The following KCNQ1 variants were observed in gnomAD, a reference collection of about 807,000 sequenced individuals.
KCNQ1 encodes potassium voltage-gated channel subfamily KQT member 1.
Under a neutral mutation model 72.4 loss-of-function variants are expected in KCNQ1, and 49 were observed. The observed-to-expected ratio is 0.68, with a 90% CI of 0.54 to 0.86. KCNQ1 has a LOEUF of 0.86. Among genes scored for constraint, KCNQ1 ranks in the 40% least tolerant of loss-of-function variants. The probability of loss-of-function intolerance (pLI) is 0.00; values close to 1 mark genes in which losing one functional copy is unlikely to be tolerated. For missense variants in KCNQ1, 790 were observed against 945.1 expected, an observed-to-expected ratio of 0.84 and a Z score of 2.15; for synonymous variants, 450 against 412.6, an observed-to-expected ratio of 1.09 and a Z score of -1.10.
At chr11:2,574,304 G>A (rs1206662421) in intron 6 of KCNQ1, among the ~76,000 whole-genome samples, 1 of 152,190 alleles carries the variant, frequency 6.6e-6, no homozygotes, top group African/African-American at 2.4e-5. Context: ...GCCGCCACAA[G>A]CCTGCCCCCG....
At position 2,592,794 on chromosome 11, in the gene KCNQ1, G is replaced by A. The variant is rs546228528; in HGVS notation, c.1393+3940G>A. ...TCCTCTGTATGCTTGTGGGGTGGGG[G>A]CAGACACACAGGCAGCCTCCTGCCC... On this transcript the variant is annotated intron_variant, in intron 10 of 15. Coordinates refer to ENST00000155840, the MANE Select transcript of KCNQ1 (RefSeq NM_000218.3). The surrounding 1 kb of genome is among the most constrained non-coding windows in gnomAD (Gnocchi z 5.2). Among the ~76,000 whole-genome samples the A allele has an allele frequency of 1.3e-5, 2 of 152,304 alleles. No individual in the cohort carries two copies. Among genetic ancestry groups the A allele is most frequent in the East Asian group, 1.9e-4 (1 of 5,170 alleles).
In KCNQ1 at chr11:2,687,504, T is replaced by G; in HGVS notation, c.1514+25423T>G. Reference sequence around the variant, plus strand: ...AGGGCCATCCCAGGCACCCTAGGACTTGAGACCAGCCTCCTCTGTATGGTC... The same window carrying G: ...AGGGCCATCCCAGGCACCCTAGGACGTGAGACCAGCCTCCTCTGTATGGTC... On this transcript the variant is annotated intron_variant, in intron 11 of 15. Coordinates refer to ENST00000155840, the MANE Select transcript of KCNQ1 (RefSeq NM_000218.3). The surrounding 1 kb of genome is among the most constrained non-coding windows in gnomAD (Gnocchi z 5.0). 2.5e-6 allele frequency: 1 copy of G among 398,700 alleles called. No homozygotes were observed. Among genetic ancestry groups the G allele is most frequent in the Admixed American group, 4.4e-5 (1 of 22,734 alleles). The allele number at this position is 398,700 out of a possible 1,614,324, so 24.7% of individuals were successfully genotyped here.
chr11:2,795,857 G>C (rs1256531232), intron 15 of KCNQ1, among the ~76,000 whole-genome samples: 1 of 152,188 alleles, frequency 6.6e-6, no homozygotes, highest in African/African-American at 2.4e-5. Flanking sequence ...CCACAAGCAG[G>C]GGTCCCATGG....
intron 11 of KCNQ1, chr11:2,667,830 A>C: frequency 2.5e-6 from 1 of 398,626 alleles, no homozygotes; most frequent in Non-Finnish European, 4.4e-6. Flanking sequence ...GGTGGTGTTA[A>C]ACTTTTAGTT....
At chr11:2,465,544 C>G (rs949792734) in intron 1 of KCNQ1, among the ~76,000 whole-genome samples, 3 of 152,230 alleles carry the variant, frequency 2.0e-5, no homozygotes, top group Non-Finnish European at 4.4e-5. Flanking sequence ...CAGGGTCACA[C>G]AGCTTGTGCG....
At chr11:2,700,557 C>G (rs529083895) in intron 11 of KCNQ1, among the ~76,000 whole-genome samples, 2 of 151,720 alleles carry the variant, frequency 1.3e-5, no homozygotes, top group Non-Finnish European at 2.9e-5. Flanking sequence ...GAGGCGTTTT[C>G]CCCCCTCCCA....
rs76679825 is a variant in KCNQ1, at chr11:2,713,073, T to A, written c.1514+50992T>A. The stretch of plus-strand genomic sequence containing the variant: ...GCAGGCTAACGACTCCCCATGAAAT[T>A]AACAACTTTGTGAAGCATTTGGTAT... On this transcript the variant is annotated intron_variant, in intron 11 of 15. Transcript: ENST00000155840. The surrounding 1 kb of genome is among the most constrained non-coding windows in gnomAD (Gnocchi z 5.6). 4.6e-5 allele frequency among the ~76,000 whole-genome samples: 7 copies of A among 152,264 alleles called. No homozygotes were observed. In the East Asian group the frequency reaches 1.2e-3, roughly 25 times the overall value.
In KCNQ1 at chr11:2,629,411, A is replaced by G. The variant is rs146522297; in HGVS notation, c.1394-32550A>G. 2.7e-3 allele frequency: 1,062 copies of G among 398,440 alleles called. 4 individuals are homozygous for G. Among genetic ancestry groups the G allele is most frequent in the African/African-American group, 0.018 (870 of 48,724 alleles). The allele number at this position is 398,440 out of a possible 1,614,324, so 24.7% of individuals were successfully genotyped here. A position where few individuals can be genotyped will look rare whatever the true frequency, so the allele number is the denominator to read the frequency against. ...CCAAATGAAGTCAATACCAAATCCA[A>G]TGTCATGCAGTTTTTGCCCCATGTT... On this transcript the variant is annotated intron_variant, in intron 10 of 15. Transcript: ENST00000155840.
chr11:2,597,084 T>A (rs926843654), intron 10 of KCNQ1, among the ~76,000 whole-genome samples: 1 of 152,134 alleles, frequency 6.6e-6, no homozygotes, highest in Non-Finnish European at 1.5e-5. Context: ...TTCTTAAGAA[T>A]GAAAATATGC....
Position 2,570,550 on chromosome 11 carries a change from G to T in KCNQ1, c.478-78G>T. On this transcript the variant is annotated intron_variant, in intron 2 of 15. Coordinates refer to ENST00000155840, the MANE Select transcript of KCNQ1 (RefSeq NM_000218.3). ...TTCAGCGGAGGCTCCAGCATGGCTG[G>T]GTTCAAACAGGTTGCAGGGTCTGAA... 1.9e-6 allele frequency: 3 copies of T among 1,590,856 alleles called. 1 individual carries two copies. Among genetic ancestry groups the T allele is most frequent in the South Asian group, 2.2e-5 (2 of 89,948 alleles).
At position 2,669,586 on chromosome 11, in the gene KCNQ1, C is replaced by T. The variant is rs925801316; in HGVS notation, c.1514+7505C>T. 2.5e-6 allele frequency: 1 copy of T among 398,516 alleles called. No homozygotes were observed. The highest frequency in any genetic ancestry group is 4.4e-6 in the Non-Finnish European group (1 of 226,084). 24.7% of individuals were successfully genotyped at this position (398,516 alleles called of 1,614,324 possible). A position where few individuals can be genotyped will look rare whatever the true frequency, so the allele number is the denominator to read the frequency against. On this transcript the variant is annotated intron_variant, in intron 11 of 15. Coordinates refer to ENST00000155840, the MANE Select transcript of KCNQ1 (RefSeq NM_000218.3). This position sits in a 1 kb window ranked among gnomAD's most constrained non-coding sequence, Gnocchi z 5.6. ...GGCCAGCTTGGGTCATTTCATCCTGCCCACAGGACACTGGGGCAGTCACCT... is the reference window on the plus strand; with the variant it reads ...GGCCAGCTTGGGTCATTTCATCCTGTCCACAGGACACTGGGGCAGTCACCT...
intron 2 of KCNQ1, among the ~76,000 whole-genome samples, chr11:2,539,179 C>G (rs950482299): frequency 6.6e-6 from 1 of 152,220 alleles, no homozygotes; most frequent in Admixed American, 6.5e-5. Context: ...CACCAGAACA[C>G]CTCCTCCAGA....
In KCNQ1 at chr11:2,670,496, C is replaced by T. The variant is rs1202446729; in HGVS notation, c.1514+8415C>T. ...GGTCCCTCAGAGAGCATCTAGTGGG[C>T]CTGTCCTCCCAGCTCACAGAAGGGG... On this transcript the variant is annotated intron_variant, in intron 11 of 15. Transcript: ENST00000155840. This position sits in a 1 kb window ranked among gnomAD's most constrained non-coding sequence, Gnocchi z 4.9. 5.0e-6 allele frequency: 2 copies of T among 397,186 alleles called. No individual in the cohort carries two copies. Among genetic ancestry groups the T allele is most frequent in the African/African-American group, 4.2e-5 (2 of 48,110 alleles). 24.6% of individuals were successfully genotyped at this position (397,186 alleles called of 1,614,324 possible). A position where few individuals can be genotyped will look rare whatever the true frequency, so the allele number is the denominator to read the frequency against.
intron 10 of KCNQ1, chr11:2,649,759 A>G (rs1849729071): frequency 2.5e-6 from 1 of 398,548 alleles, no homozygotes; most frequent in Non-Finnish European, 4.4e-6. Flanking sequence ...TTTGATGAAA[A>G]TGTGCCTCAG....
chr11:2,546,402 T>C (rs1445367169), intron 2 of KCNQ1, among the ~76,000 whole-genome samples: 1 of 152,206 alleles, frequency 6.6e-6, no homozygotes, highest in East Asian at 1.9e-4. Context: ...GGAAAGAGTG[T>C]GTACTGCTGT....
intron 10 of KCNQ1, chr11:2,614,538 A>G (rs1849029867): frequency 7.5e-6 from 3 of 398,322 alleles, no homozygotes; most frequent in Non-Finnish European, 8.8e-6. Flanking sequence ...TCTCTGATAC[A>G]TTTTGAGATA....
rs950979256 is a variant in KCNQ1 at position 2,764,750 on chromosome 11, ATAATTTG to A, written c.1515-4091_1515-4085del. 6.6e-6 allele frequency among the ~76,000 whole-genome samples: 1 copy of A among 152,140 alleles called. No individual in the cohort carries two copies. The highest frequency in any genetic ancestry group is 2.4e-5 in the African/African-American group (1 of 41,398). ...CTACTTTTACATACTGTGTTTTTAA[ATAATTTG>A]TATATTTTATCTAAATCATCAAAAG... On this transcript the variant is annotated intron_variant, in intron 11 of 15. Transcript: ENST00000155840. This position sits in a 1 kb window ranked among gnomAD's most constrained non-coding sequence, Gnocchi z 4.8.
chr11:2,799,378 G>T lies in KCNQ1; in HGVS notation c.1794+21341G>T, dbSNP rs571561069. ...AACTTCTGTAGCTGTAAGTTCGAGT[G>T]TGTGTGTGTGTGTGTGTGTGTGTGG... On this transcript the variant is annotated intron_variant, in intron 15 of 15. Transcript: ENST00000155840. Among the ~76,000 whole-genome samples the T allele has an allele frequency of 4.1e-5, 6 of 146,728 alleles. No individual in the cohort carries two copies. In the East Asian group the frequency reaches 1.2e-3, roughly 29 times the overall value.
In KCNQ1 at chr11:2,767,592, G is replaced by T. The variant is rs1029914290; in HGVS notation, c.1515-1252G>T. Among the ~76,000 whole-genome samples the T allele has an allele frequency of 2.0e-5, 3 of 152,038 alleles. No homozygotes were observed. Among genetic ancestry groups the T allele is most frequent in the African/African-American group, 4.8e-5 (2 of 41,372 alleles). The stretch of plus-strand genomic sequence containing the variant: ...AGATAATTTTATTTTCTTCTGCCAC[G>T]CGCAAAGCACCTTACTCCAGTAGGG... On this transcript the variant is annotated intron_variant, in intron 11 of 15. Transcript: ENST00000155840. The surrounding 1 kb of genome is among the most constrained non-coding windows in gnomAD (Gnocchi z 4.6).
Sources: allele counts gnomAD v4.1 joint callset (sites outside exome capture counted in the v4.1 genomes callset), GRCh38; gene constraint gnomAD v4.1.1; non-coding constraint Gnocchi (gnomAD v3.1); transcripts MANE v1.5; gene names NCBI Gene and HGNC (gene_info 2026-07-23, HGNC 2026-07-21).